Variants in LAS1L observed in about 807,000 individuals in gnomAD.
LAS1L encodes the protein LAS1 like ribosome biogenesis factor.
A neutral mutation model predicts 57.3 loss-of-function variants in LAS1L; 5 were observed. The observed-to-expected ratio is 0.09, with a 90% CI of 0.05 to 0.18. The LOEUF (loss-of-function observed/expected upper bound fraction) is 0.18, where lower values mean the gene tolerates loss of function less well. LAS1L is among the 10% of genes least tolerant of loss of function. The pLI is 1.00. For missense variants in LAS1L, 360 were observed against 568.3 expected (o/e 0.63, Z 3.73); for synonymous variants, 245 against 231.7 (o/e 1.06, Z -0.52).
chrX:65,533,819 A>G (rs2069632565), intron 1 of LAS1L, 84 bp from the exon 2 acceptor site: 2 of 1,011,288 alleles, frequency 2.0e-6, no homozygotes, highest in Admixed American at 2.5e-5. Flanking sequence ...GTTGCAGGCT[A>G]CACCCATCAT....
intron 2 of LAS1L, among the ~76,000 whole-genome samples, chrX:65,533,078 C>T (rs1215113848): frequency 9.0e-6 from 1 of 110,836 alleles, no homozygotes; most frequent in African/African-American, 3.3e-5. Flanking sequence ...CCTTTTTTTC[C>T]GACGTGTATA....
chrX:65,522,194 C>A (rs1000085360), intron 11 of LAS1L: 1 of 109,695 alleles, frequency 9.1e-6, no homozygotes, highest in Non-Finnish European at 1.9e-5. Context: ...CTGAGACTGG[C>A]GAGAAGGTTG....
chrX:65,525,142 G>T, intron 7 of LAS1L, 92 bp from the exon 8 acceptor site: 3 of 699,213 alleles, frequency 4.3e-6, no homozygotes, highest in Non-Finnish European at 4.4e-6. Context: ...TAATGCCTCT[G>T]GCTCAAGTGG....
intron 6 of LAS1L, among the ~76,000 whole-genome samples, 167 bp downstream of exon 6, chrX:65,529,045 T>G (rs974493170): frequency 8.9e-6 from 1 of 112,032 alleles, no homozygotes. Context: ...TGGACTCTGC[T>G]CCTCTTGTCT....
intron 12 of LAS1L, among the ~76,000 whole-genome samples, chrX:65,516,361 T>C (rs1318483507): frequency 9.0e-6 from 1 of 111,203 alleles, no homozygotes; most frequent in Non-Finnish European, 1.9e-5. Context: ...ATATCGCCAA[T>C]GCTGTCTACA....
At chrX:65,517,480 T>C (rs1184407597) in intron 12 of LAS1L, among the ~76,000 whole-genome samples, 1 of 110,308 alleles carries the variant, frequency 9.1e-6, no homozygotes, top group East Asian at 2.8e-4. Context: ...CTCGATCTCC[T>C]GACCTCGTGA....
rs772564998 is a variant in LAS1L, at chrX:65,525,748, CAAAA to C, written c.957-702_957-699del. Among the ~76,000 whole-genome samples the C allele has an allele frequency of 6.0e-4, 23 of 38,236 alleles. 1 individual carries two copies. Among genetic ancestry groups the C allele is most frequent in the African/African-American group, 2.4e-3 (21 of 8,727 alleles). 33.2% of individuals were successfully genotyped at this position (38,236 alleles called of 115,157 possible). A position where few individuals can be genotyped will look rare whatever the true frequency, so the allele number is the denominator to read the frequency against. On this transcript the variant is annotated intron_variant, in intron 7 of 13. Transcript: ENST00000374811. ...AGGTCTTCACCAAGGTCTGATTTTT[CAAAA>C]AAAAAAAAAAAAAAAAGAAAGAAAT...
At chrX:65,525,876 A>G (rs1053359281) in intron 7 of LAS1L, among the ~76,000 whole-genome samples, 1 of 110,998 alleles carries the variant, frequency 9.0e-6, no homozygotes, top group East Asian at 2.8e-4. Flanking sequence ...GCTTTCTGCT[A>G]CAGTTTGGAT....
chrX:65,525,765 A>AAAAAAAAAAAAAAAAAAAAAG (rs1556309415), intron 7 of LAS1L, among the ~76,000 whole-genome samples: 2 of 107,503 alleles, frequency 1.9e-5, no homozygotes, highest in African/African-American at 7.1e-5. Flanking sequence ...AAAAAAAAAA[A>AAAAAAAAAAAAAAAAAAAAAG]AAAGAAAGAA....
intron 12 of LAS1L, 32 bp from the exon 13 acceptor site, chrX:65,515,005 C>A (rs1339293335): frequency 1.7e-6 from 2 of 1,184,940 alleles, no homozygotes; most frequent in South Asian, 1.9e-5. Context: ...CAAGACTGGG[C>A]TGATGAGCTG....
chrX:65,524,293 G>A (rs1291252979), intron 9 of LAS1L, 31 bp from the exon 10 acceptor site: 8 of 1,094,120 alleles, frequency 7.3e-6, no homozygotes, highest in Non-Finnish European at 7.5e-6. Context: ...ATTTGGGGGG[G>A]CAATAGGAGA....
In LAS1L at chrX:65,524,604, A is replaced by G; in HGVS notation, c.1053T>C (p.Thr351=). 1.9e-6 allele frequency: 1 copy of G among 527,419 alleles called. No individual in the cohort carries two copies. The highest frequency in any genetic ancestry group is 2.5e-5 in the South Asian group (1 of 40,715). 43.5% of individuals were successfully genotyped at this position (527,419 alleles called of 1,213,427 possible). The change falls in exon 9 of 14, where the codon ACT becomes ACC. Residue 351 remains threonine (T), a synonymous_variant. Coordinates refer to ENST00000374811, the MANE Select transcript of LAS1L (RefSeq NM_031206.7). ...CAGTACCTTCCCCTCTCTGGACCTC[A>G]GTCTGACCATCTGTAACATGAGGAT... The part of the protein sequence containing the change: ...ALQIEYEDGQ[T]EVQRGEGTDP...
chrX:65,529,752 T>G lies in LAS1L; in HGVS notation c.641A>C (p.Asp214Ala). The G allele has an allele frequency of 8.3e-7, 1 of 1,211,889 alleles. No individual in the cohort carries two copies. Among genetic ancestry groups the G allele is most frequent in the Non-Finnish European group, 1.1e-6 (1 of 895,481 alleles). ...GATGTCATCAACAACAATGTTCTTA[T>G]CTTCCTCTTGATCCTCTTCCTCTAT... ...EGIEEEDQEEDKNIVVDDITE... is the reference protein window; with the variant it reads ...EGIEEEDQEEAKNIVVDDITE... The change falls in exon 5 of 14, where the codon GAT (aspartate) becomes GCT (alanine). Residue 214 changes from aspartate to alanine, a missense_variant. Physicochemically the swap from Asp to Ala is moderately radical, Grantham distance 126. Around this residue, in one of 7 missense-constraint regions of LAS1L, gnomAD observed 51 missense variants for 43.1 expected, o/e 1.18. Coordinates refer to ENST00000374811, the MANE Select transcript of LAS1L (RefSeq NM_031206.7).
intron 7 of LAS1L, among the ~76,000 whole-genome samples, chrX:65,527,248 A>AG (rs2069206028): frequency 1.0e-5 from 1 of 99,420 alleles, no homozygotes; most frequent in Non-Finnish European, 2.0e-5. Flanking sequence ...AAAAAAAAAA[A>AG]GACCAGGCCG....
In LAS1L at chrX:65,518,009, G is replaced by T. The variant is rs753827261; in HGVS notation, c.1905C>A (p.Gly635=). ...TACCTGAGCTAACCTGCCATGCAGAGCCCTGCAAAGCTCCTCTTTTCTGGG... is the reference window on the plus strand; with the variant it reads ...TACCTGAGCTAACCTGCCATGCAGATCCCTGCAAAGCTCCTCTTTTCTGGG... ...LLAQKRGALQ[G]SAWQVSSEDV... is the part of the protein sequence containing the mutation. The change falls in exon 12 of 14, where the codon GGC becomes GGA. Residue 635 remains glycine, a synonymous_variant. Transcript: ENST00000374811. 2.4e-5 allele frequency: 29 copies of T among 1,205,805 alleles called. No individual in the cohort carries two copies. The highest frequency in any genetic ancestry group is 3.0e-5 in the Non-Finnish European group (27 of 893,207).
At chrX:65,527,315 C>T (rs1188224743) in intron 7 of LAS1L, among the ~76,000 whole-genome samples, 1 of 100,227 alleles carries the variant, frequency 1.0e-5, no homozygotes, top group Non-Finnish European at 2.0e-5. Context: ...GCAGGACAAT[C>T]TCTTGAATCC....
chrX:65,530,807 C>T (rs1449503366), intron 4 of LAS1L, among the ~76,000 whole-genome samples: 1 of 85,964 alleles, frequency 1.2e-5, no homozygotes, highest in Non-Finnish European at 2.1e-5. Flanking sequence ...GAGTGAGACT[C>T]TGTCTCAAAA....
At chrX:65,529,961 A>T in intron 4 of LAS1L, 83 bp from the exon 5 acceptor site, 2 of 911,605 alleles carry the variant, frequency 2.2e-6, no homozygotes, top group Non-Finnish European at 1.5e-6. Context: ...GTATTATAGG[A>T]AGGCCCCAGG....
chrX:65,520,725 G>A lies in LAS1L; in HGVS notation c.1449-2260C>T, dbSNP rs928520295. 1.6e-5 allele frequency: 12 copies of A among 751,927 alleles called. No individual in the cohort carries two copies. In the African/African-American group the frequency reaches 1.9e-4, roughly 12 times the overall value. The allele number at this position is 751,927 out of a possible 1,213,427, so 62.0% of individuals were successfully genotyped here. ...ACCCAAGTGAGCCGCTGTTACTGCCGGCATGTGTCGCATCCCTCTGGTATG... is the reference window on the plus strand; with the variant it reads ...ACCCAAGTGAGCCGCTGTTACTGCCAGCATGTGTCGCATCCCTCTGGTATG... On this transcript the variant is annotated intron_variant, in intron 11 of 13. Coordinates refer to ENST00000374811, the MANE Select transcript of LAS1L (RefSeq NM_031206.7).
Sources: gnomAD v4.1 joint callset for allele counts (sites outside exome capture counted in the v4.1 genomes callset) on GRCh38, gnomAD v4.1.1 for gene constraint, gnomAD v4.1.1 regional missense constraint, MANE v1.5 for transcripts, NCBI Gene and HGNC (gene_info 2026-07-23, HGNC 2026-07-21) for gene names.